The following CDH13 variants were observed in gnomAD, a reference collection of about 807,000 sequenced individuals.
The protein encoded by CDH13 is cadherin 13.
A neutral mutation model predicts 63.8 loss-of-function variants in CDH13; 24 were observed. That is an observed-to-expected ratio of 0.38 (90% CI 0.27 to 0.53). The LOEUF (loss-of-function observed/expected upper bound fraction) is 0.53, where lower values mean the gene tolerates loss of function less well. CDH13 is among the 20% of genes least tolerant of loss of function. The pLI is 0.85. For synonymous variants in CDH13, 503 were observed against 355.3 expected, an observed-to-expected ratio of 1.42 and a Z score of -4.67; for missense variants, 1,049 against 903.1, an observed-to-expected ratio of 1.16 and a Z score of -2.07.
chr16:82,752,082 C>A (rs2034439673), intron 1 of CDH13, among the ~76,000 whole-genome samples: 1 of 152,182 alleles, frequency 6.6e-6, no homozygotes, highest in Admixed American at 6.5e-5. Context: ...AACAGAATAT[C>A]CCCCAAAGCA....
rs187940292 is a variant in CDH13 at position 83,371,537 on chromosome 16, C to G, written c.781+26531C>G. Among the ~76,000 whole-genome samples, 154 of 152,260 alleles carry G rather than the reference C, an allele frequency of 1.0e-3. 1 individual carries two copies. The Middle Eastern group carries it at 0.01, about 10-fold the overall frequency. ...TAATTTTAGGTGGCATAGAGGTGAT[C>G]TTTTATAATTTTAATAGCTATTTAT... On this transcript the variant is annotated intron_variant, in intron 6 of 13. Transcript: ENST00000567109.
chr16:83,463,783 T>C (rs2151528500), intron 6 of CDH13, among the ~76,000 whole-genome samples: 1 of 152,214 alleles, frequency 6.6e-6, no homozygotes, highest in East Asian at 1.9e-4. Context: ...CCGGCCTAGG[T>C]AACTGAGTGA....
At chr16:83,749,231 C>T (rs1912871167) in intron 11 of CDH13, among the ~76,000 whole-genome samples, 1 of 152,254 alleles carries the variant, frequency 6.6e-6, no homozygotes, top group South Asian at 2.1e-4. Flanking sequence ...TTATACTCAA[C>T]AAGGGTGAAC....
intron 6 of CDH13, among the ~76,000 whole-genome samples, chr16:83,474,032 C>A (rs886548587): frequency 6.6e-6 from 1 of 152,254 alleles, no homozygotes; most frequent in South Asian, 2.1e-4. Flanking sequence ...TTTTGTGTGT[C>A]CCTCTGAGCC....
chr16:83,328,639 G>C (rs1015072491), intron 5 of CDH13, among the ~76,000 whole-genome samples: 5 of 152,178 alleles, frequency 3.3e-5, no homozygotes, highest in African/African-American at 1.2e-4. Flanking sequence ...ACCAGCAGAT[G>C]ATGAGAGATG....
intron 4 of CDH13, among the ~76,000 whole-genome samples, chr16:83,171,324 G>A (rs2037907120): frequency 6.6e-6 from 1 of 152,148 alleles, no homozygotes; most frequent in Admixed American, 6.6e-5. Flanking sequence ...GCACCAAAGG[G>A]ATGGTCCTAA....
At chr16:83,278,943 A>T (rs973738705) in intron 5 of CDH13, among the ~76,000 whole-genome samples, 2 of 152,204 alleles carry the variant, frequency 1.3e-5, no homozygotes, top group African/African-American at 4.8e-5. Context: ...CTAAGCCTGG[A>T]TAGAAATACA....
intron 2 of CDH13, among the ~76,000 whole-genome samples, chr16:83,006,920 G>GTTTTTTTTT (rs1388258642): frequency 4.0e-5 from 5 of 125,610 alleles, no homozygotes; most frequent in African/African-American, 5.9e-5. Flanking sequence ...TTGTTTGTTT[G>GTTTTTTTTT]TTTGTTTGTT....
At chr16:83,148,149 G>A (rs1301393714) in intron 4 of CDH13, among the ~76,000 whole-genome samples, 1 of 152,122 alleles carries the variant, frequency 6.6e-6, no homozygotes, top group African/African-American at 2.4e-5. Flanking sequence ...TTTTGGCCAG[G>A]CTGATCCTGA....
chr16:83,708,836 C>G (rs116942537), intron 10 of CDH13, among the ~76,000 whole-genome samples: 42,603 of 151,836 alleles, frequency 0.28, 6,355 homozygotes, highest in Middle Eastern at 0.46. Context: ...ACCAGACTGG[C>G]CAATGTGGTG....
chr16:83,342,919 C>A (rs528300598), intron 5 of CDH13, among the ~76,000 whole-genome samples: 27 of 123,802 alleles, frequency 2.2e-4, no homozygotes, highest in Middle Eastern at 7.1e-3. Flanking sequence ...AAAAACCAGA[C>A]CTATGTTATT....
At position 83,729,660 on chromosome 16, in the gene CDH13, C is replaced by T. The variant is rs79878266; in HGVS notation, c.1539-18448C>T. The stretch of plus-strand genomic sequence containing the variant: ...TCATCTATATAATGGGTCAGTAATC[C>T]CACCCACATGAAGTTATTGTTAGAC... On this transcript the variant is annotated intron_variant, in intron 10 of 13. Coordinates refer to ENST00000567109, the MANE Select transcript of CDH13 (RefSeq NM_001257.5). Among the ~76,000 whole-genome samples the T allele has an allele frequency of 7.5e-3, 1,146 of 152,214 alleles. 18 individuals carry two copies. Among genetic ancestry groups the T allele is most frequent in the African/African-American group, 0.026 (1,068 of 41,498 alleles).
At chr16:83,168,313 A>G (rs932861946) in intron 4 of CDH13, among the ~76,000 whole-genome samples, 2 of 152,118 alleles carry the variant, frequency 1.3e-5, no homozygotes, top group Admixed American at 1.3e-4. Flanking sequence ...GGTGCCATCC[A>G]TTATATAATA....
intron 5 of CDH13, among the ~76,000 whole-genome samples, chr16:83,254,955 CTTTCTTTCTTTCTTTCTTT>C (rs1906047141): frequency 1.1e-3 from 3 of 2,676 alleles, no homozygotes; most frequent in East Asian, 9.1e-3. Context: ...TTTTCTCTTT[CTTTCTTTCTTTCTTTCTTT>C]CTTTCTTTCT....
intron 5 of CDH13, among the ~76,000 whole-genome samples, chr16:83,248,162 C>T (rs1302975229): frequency 6.6e-6 from 1 of 151,960 alleles, no homozygotes; most frequent in Non-Finnish European, 1.5e-5. Flanking sequence ...ACTCACAGCG[C>T]CAGAATGTTC....
intron 13 of CDH13, among the ~76,000 whole-genome samples, chr16:83,791,755 G>A (rs1417285714): frequency 7.1e-6 from 1 of 141,632 alleles, no homozygotes; most frequent in East Asian, 2.2e-4. Flanking sequence ...AGGTTGCAGT[G>A]AGCCAAGACT....
At chr16:83,567,451 A>G (rs1904292828) in intron 7 of CDH13, among the ~76,000 whole-genome samples, 1 of 152,202 alleles carries the variant, frequency 6.6e-6, no homozygotes, top group African/African-American at 2.4e-5. Context: ...TCACAAGAAG[A>G]GTTGCTTGCA....
intron 2 of CDH13, among the ~76,000 whole-genome samples, chr16:82,873,916 C>T (rs781180320): frequency 1.3e-5 from 2 of 152,118 alleles, no homozygotes; most frequent in African/African-American, 4.8e-5. Context: ...TGTTCTCCCC[C>T]ACCCCTGACC....
intron 5 of CDH13, among the ~76,000 whole-genome samples, chr16:83,261,940 C>G (rs1907046551): frequency 6.6e-6 from 1 of 152,114 alleles, no homozygotes; most frequent in Admixed American, 6.5e-5. Flanking sequence ...CTTTGCTGAT[C>G]AGATTTGTTC....
Sources: allele counts gnomAD v4.1 joint callset (sites outside exome capture counted in the v4.1 genomes callset), GRCh38; gene constraint gnomAD v4.1.1; transcripts MANE v1.5; gene names NCBI Gene and HGNC (gene_info 2026-07-23, HGNC 2026-07-21).